The following NTM variants were observed in gnomAD, a reference collection of about 807,000 sequenced individuals.
NTM encodes the protein IgLON family member 2.
In NTM, 13 loss-of-function variants were observed where a neutral mutation model predicts 42.1. That is an observed-to-expected ratio of 0.31 (90% CI 0.20 to 0.49). NTM has a LOEUF of 0.49. Among genes scored for constraint, NTM ranks in the 20% least tolerant of loss-of-function variants. The pLI, the probability that NTM is intolerant of heterozygous loss-of-function variation, is 0.99. For synonymous variants in NTM, 187 were observed against 179.2 expected, an observed-to-expected ratio of 1.04 and a Z score of -0.35; for missense variants, 373 against 452.8, an observed-to-expected ratio of 0.82 and a Z score of 1.60.
chr11:132,278,787 A>G (rs1393257373), intron 4 of NTM, among the ~76,000 whole-genome samples: 1 of 84,636 alleles, frequency 1.2e-5, no homozygotes, highest in African/African-American at 4.0e-5. Flanking sequence ...CTCTCTCTTT[A>G]CTGCTTAAAT....
At chr11:132,083,263 T>A (rs959557809) in intron 2 of NTM, among the ~76,000 whole-genome samples, 1 of 152,254 alleles carries the variant, frequency 6.6e-6, no homozygotes, top group Non-Finnish European at 1.5e-5. Flanking sequence ...TATGATTAGC[T>A]TTGAAACAGA....
At chr11:131,399,153 C>T (rs909211458) in intron 1 of NTM, among the ~76,000 whole-genome samples, 5 of 152,184 alleles carry the variant, frequency 3.3e-5, no homozygotes, top group African/African-American at 1.2e-4. Flanking sequence ...GCACCCCAAA[C>T]TCAGGTCCAT....
At chr11:131,929,315 T>C (rs2058323210) in intron 2 of NTM, among the ~76,000 whole-genome samples, 1 of 146,194 alleles carries the variant, frequency 6.8e-6, no homozygotes, top group Non-Finnish European at 1.5e-5. Flanking sequence ...ATCCTTGGCC[T>C]GAACCAACGG....
At chr11:131,498,387 CTTA>C (rs1555130035) in intron 1 of NTM, among the ~76,000 whole-genome samples, 3 of 152,180 alleles carry the variant, frequency 2.0e-5, no homozygotes, top group Non-Finnish European at 4.4e-5. Flanking sequence ...TTATTGAATG[CTTA>C]TTAACATTAC....
intron 1 of NTM, among the ~76,000 whole-genome samples, chr11:131,454,760 T>G (rs1339275657): frequency 6.9e-6 from 1 of 143,942 alleles, no homozygotes; most frequent in African/African-American, 2.5e-5. Flanking sequence ...ACAGCTGCAT[T>G]ACATCCTGAT....
intron 1 of NTM, among the ~76,000 whole-genome samples, chr11:131,429,362 G>T (rs935902276): frequency 6.6e-6 from 1 of 152,050 alleles, no homozygotes; most frequent in Non-Finnish European, 1.5e-5. Context: ...CAGCCTCAGG[G>T]TTCTATTTGT....
At chr11:131,745,466 T>C (rs2081699144) in intron 1 of NTM, among the ~76,000 whole-genome samples, 1 of 152,188 alleles carries the variant, frequency 6.6e-6, no homozygotes, top group Non-Finnish European at 1.5e-5. Flanking sequence ...AATCGCTATT[T>C]TTGCTTGATC....
At chr11:131,414,217 C>T (rs532011302) in intron 1 of NTM, among the ~76,000 whole-genome samples, 69 of 152,338 alleles carry the variant, frequency 4.5e-4, no homozygotes, top group South Asian at 1.9e-3. Context: ...CACTGTGGCT[C>T]TGTCCACCAA....
intron 1 of NTM, among the ~76,000 whole-genome samples, chr11:131,789,822 G>T (rs1325510380): frequency 2.6e-5 from 4 of 150,964 alleles, no homozygotes; most frequent in Admixed American, 2.0e-4. Flanking sequence ...CGGGTGTGGT[G>T]GCGGGAGCCT....
chr11:131,808,064 G>A (rs2092586547), intron 1 of NTM, among the ~76,000 whole-genome samples: 1 of 152,174 alleles, frequency 6.6e-6, no homozygotes, highest in Non-Finnish European at 1.5e-5. Context: ...TCACAAGCCT[G>A]GGGCTCTGTC....
At chr11:132,052,226 C>T (rs1167578983) in intron 2 of NTM, among the ~76,000 whole-genome samples, 2 of 152,220 alleles carry the variant, frequency 1.3e-5, no homozygotes, top group Non-Finnish European at 2.9e-5. Flanking sequence ...ATCCACAAAG[C>T]TGTGATCCCA....
At chr11:131,714,116 A>G (rs2077441451) in intron 1 of NTM, among the ~76,000 whole-genome samples, 1 of 152,290 alleles carries the variant, frequency 6.6e-6, no homozygotes, top group East Asian at 1.9e-4. Flanking sequence ...CATAGGGCAC[A>G]TGCTTAAGCC....
rs529881217 is a variant in NTM, at chr11:132,209,836, C to T, written c.401-2186C>T. 3.9e-5 allele frequency among the ~76,000 whole-genome samples: 6 copies of T among 152,236 alleles called. No individual in the cohort carries two copies. The South Asian group carries it at 1.2e-3, about 32-fold the overall frequency. Reference sequence around the variant, plus strand: ...AGGGCATGGGGATAAGGAGATAGCTCAGTGCAGCACAGATAAGTACAGCAC... The same window carrying T: ...AGGGCATGGGGATAAGGAGATAGCTTAGTGCAGCACAGATAAGTACAGCAC... On this transcript the variant is annotated intron_variant, in intron 3 of 8. Transcript: ENST00000683400.
intron 2 of NTM, among the ~76,000 whole-genome samples, chr11:132,140,053 G>A (rs545985610): frequency 2.0e-5 from 3 of 152,270 alleles, no homozygotes; most frequent in South Asian, 2.1e-4. Flanking sequence ...TTACATGCAT[G>A]TTTCCATTTA....
intron 2 of NTM, among the ~76,000 whole-genome samples, chr11:131,920,415 G>C (rs1332259997): frequency 6.6e-6 from 1 of 152,170 alleles, no homozygotes; most frequent in Non-Finnish European, 1.5e-5. Flanking sequence ...TTTTGGTCAG[G>C]TCTAGGGCAA....
intron 1 of NTM, among the ~76,000 whole-genome samples, chr11:131,464,535 C>A (rs971827546): frequency 1.3e-5 from 2 of 152,204 alleles, no homozygotes; most frequent in African/African-American, 4.8e-5. Context: ...CTTCTCTCTT[C>A]CTGGCTCCCT....
chr11:131,732,452 T>A (rs1337245759), intron 1 of NTM, among the ~76,000 whole-genome samples: 1 of 152,168 alleles, frequency 6.6e-6, no homozygotes, highest in East Asian at 1.9e-4. Context: ...CTCAGCCTCA[T>A]TGGAGTTGTT....
intron 1 of NTM, among the ~76,000 whole-genome samples, chr11:131,711,610 A>C (rs565720681): frequency 1.3e-5 from 2 of 152,222 alleles, no homozygotes; most frequent in African/African-American, 4.8e-5. Flanking sequence ...ATACCATTTG[A>C]CCCAGCCATC....
chr11:131,780,990 T>A (rs189050540), intron 1 of NTM, among the ~76,000 whole-genome samples: 8 of 152,266 alleles, frequency 5.3e-5, no homozygotes, highest in African/African-American at 1.7e-4. Context: ...GAAACACAAT[T>A]TTTAAAAAAT....
Sources: gnomAD v4.1 joint callset for allele counts (sites outside exome capture counted in the v4.1 genomes callset) on GRCh38, gnomAD v4.1.1 for gene constraint, MANE v1.5 for transcripts, NCBI Gene and HGNC (gene_info 2026-07-23, HGNC 2026-07-21) for gene names.